CAMK1D: variants seen among roughly 807,000 people sequenced by gnomAD.
CAMK1D encodes calcium/calmodulin dependent protein kinase ID.
A neutral mutation model predicts 47.7 loss-of-function variants in CAMK1D; 9 were observed. The observed-to-expected ratio is 0.19, with a 90% confidence interval of 0.11 to 0.33. The LOEUF (loss-of-function observed/expected upper bound fraction) is 0.33. CAMK1D is among the 10% of genes least tolerant of loss of function. The probability of loss-of-function intolerance (pLI) is 1.00; values close to 1 mark genes in which losing one functional copy is unlikely to be tolerated. For synonymous variants in CAMK1D, 184 were observed against 184.9 expected (o/e 0.99, Z 0.04); for missense variants, 291 against 488.7 (o/e 0.60, Z 3.81).
chr10:12,479,619 C>G (rs1046165757), intron 1 of CAMK1D, among the ~76,000 whole-genome samples: 1 of 152,234 alleles, frequency 6.6e-6, no homozygotes, highest in Non-Finnish European at 1.5e-5. Context: ...CAGGGACTCT[C>G]ACCTGGGCCT....
chr10:12,709,799 CTTTG>C (rs1396013196), intron 3 of CAMK1D, among the ~76,000 whole-genome samples: 5 of 152,106 alleles, frequency 3.3e-5, no homozygotes, highest in Non-Finnish European at 5.9e-5. Flanking sequence ...AGTTTTGTTA[CTTTG>C]TTTAACTTTT....
chr10:12,613,371 GA>G (rs1189250748), intron 2 of CAMK1D, among the ~76,000 whole-genome samples: 1 of 151,926 alleles, frequency 6.6e-6, no homozygotes, highest in Non-Finnish European at 1.5e-5. Context: ...AAGCCATTAA[GA>G]AAAAAAATAG....
intron 3 of CAMK1D, among the ~76,000 whole-genome samples, chr10:12,743,380 A>AG: frequency 6.6e-6 from 1 of 151,712 alleles, no homozygotes; most frequent in South Asian, 2.1e-4. Context: ...AAAAAGAAAA[A>AG]GGAAAAGAAA....
At chr10:12,647,212 G>A (rs963711564) in intron 2 of CAMK1D, among the ~76,000 whole-genome samples, 6 of 138,392 alleles carry the variant, frequency 4.3e-5, no homozygotes, top group South Asian at 2.4e-4. Context: ...GTGCAGTGAC[G>A]CGATCTTGGC....
intron 1 of CAMK1D, among the ~76,000 whole-genome samples, chr10:12,490,568 G>T (rs992812814): frequency 1.3e-5 from 2 of 152,192 alleles, no homozygotes; most frequent in African/African-American, 2.4e-5. Flanking sequence ...CCACAAAGAG[G>T]CTGGGTGCGG....
intron 1 of CAMK1D, among the ~76,000 whole-genome samples, chr10:12,532,278 A>C (rs542356478): frequency 1.6e-4 from 24 of 149,220 alleles, no homozygotes; most frequent in Middle Eastern, 3.5e-3. Context: ...TTATCTTTTT[A>C]TTTTCTTTTT....
chr10:12,375,049 G>T (rs1026248119), intron 1 of CAMK1D, among the ~76,000 whole-genome samples: 2 of 151,806 alleles, frequency 1.3e-5, no homozygotes, highest in Non-Finnish European at 2.9e-5. Flanking sequence ...CTCCCACCTC[G>T]GCCTTCCAAA....
At chr10:12,791,786 G>C (rs368125149) in intron 6 of CAMK1D, among the ~76,000 whole-genome samples, 1 of 152,194 alleles carries the variant, frequency 6.6e-6, no homozygotes, top group African/African-American at 2.4e-5. Context: ...CACAAGTGTA[G>C]AAATATCTGT....
chr10:12,499,893 C>T (rs1399598748), intron 1 of CAMK1D, among the ~76,000 whole-genome samples: 2 of 152,132 alleles, frequency 1.3e-5, no homozygotes, highest in South Asian at 2.1e-4. Context: ...GAAGAGGAGC[C>T]GTCCACGGAT....
At chr10:12,418,727 C>T (rs554934045) in intron 1 of CAMK1D, among the ~76,000 whole-genome samples, 111 of 152,266 alleles carry the variant, frequency 7.3e-4, no homozygotes, top group African/African-American at 2.5e-3. Context: ...CAAAATGAAA[C>T]CTTTTAAAAA....
At chr10:12,377,142 A>G (rs1838208585) in intron 1 of CAMK1D, among the ~76,000 whole-genome samples, 1 of 152,188 alleles carries the variant, frequency 6.6e-6, no homozygotes, top group Non-Finnish European at 1.5e-5. Flanking sequence ...TTTTTGAAAC[A>G]TCCAGAGAAC....
chr10:12,597,024 T>A (rs1588673684), intron 2 of CAMK1D, among the ~76,000 whole-genome samples: 1 of 152,094 alleles, frequency 6.6e-6, no homozygotes. Flanking sequence ...CAGGGTCTAA[T>A]TCATCCAACG....
intron 1 of CAMK1D, among the ~76,000 whole-genome samples, chr10:12,538,508 C>T (rs1029885409): frequency 5.3e-5 from 8 of 152,074 alleles, no homozygotes; most frequent in Middle Eastern, 3.2e-3. Context: ...TTGTATGGCA[C>T]GTGGGACAGT....
rs185906943 is a variant in CAMK1D at position 12,687,420 on chromosome 10, C to G, written c.299+20610C>G. 1.5e-4 allele frequency among the ~76,000 whole-genome samples: 23 copies of G among 152,204 alleles called. 1 individual carries two copies. The East Asian group carries it at 4.4e-3, about 29-fold the overall frequency. On this transcript the variant is annotated intron_variant, in intron 3 of 10. Transcript: ENST00000619168. ...TACATTTGTAGTAGCTGAAAAGGTG[C>G]AGTTTGATTCCCGTTACGACTTCAA...
intron 1 of CAMK1D, among the ~76,000 whole-genome samples, chr10:12,464,572 T>G (rs1833535310): frequency 6.6e-6 from 1 of 152,086 alleles, no homozygotes; most frequent in Non-Finnish European, 1.5e-5. Context: ...TCCCAGTACT[T>G]TGGGAGGCCG....
intron 3 of CAMK1D, among the ~76,000 whole-genome samples, chr10:12,681,319 A>C (rs935772543): frequency 6.6e-5 from 10 of 152,164 alleles, no homozygotes; most frequent in Non-Finnish European, 1.5e-4. Flanking sequence ...GCCTGCCCCA[A>C]TCCTGGGCTT....
At chr10:12,621,172 C>T (rs1051255043) in intron 2 of CAMK1D, among the ~76,000 whole-genome samples, 1 of 152,194 alleles carries the variant, frequency 6.6e-6, no homozygotes, top group African/African-American at 2.4e-5. Context: ...CCTAACAGTA[C>T]CACACTGTCT....
At chr10:12,447,101 C>T (rs1384519117) in intron 1 of CAMK1D, among the ~76,000 whole-genome samples, 1 of 152,100 alleles carries the variant, frequency 6.6e-6, no homozygotes, top group Non-Finnish European at 1.5e-5. Flanking sequence ...GTGTCTCTCT[C>T]TCTCTGTCTT....
chr10:12,743,027 A>G (rs2130850659), intron 3 of CAMK1D, among the ~76,000 whole-genome samples: 1 of 152,294 alleles, frequency 6.6e-6, no homozygotes, highest in South Asian at 2.1e-4. Context: ...AGGAAGAGTA[A>G]AGACAAAGAA....
Sources: allele counts gnomAD v4.1 joint callset (sites outside exome capture counted in the v4.1 genomes callset), GRCh38; gene constraint gnomAD v4.1.1; transcripts MANE v1.5; gene names NCBI Gene and HGNC (gene_info 2026-07-23, HGNC 2026-07-21).